FAM107A: variants seen among roughly 807,000 people sequenced by gnomAD.
FAM107A encodes the protein family with sequence similarity 107 member A, also known as actin-associated protein FAM107A.
FAM107A carries 19 observed loss-of-function variants against 13.7 expected under a neutral mutation model. The ratio of observed to expected loss-of-function variants is 1.38; its 90% confidence interval spans 0.97 to 2.03. The LOEUF (loss-of-function observed/expected upper bound fraction) is 2.03. Among genes scored for constraint, FAM107A ranks in the 30% most tolerant of loss-of-function variants. FAM107A has a pLI of 0.00. For synonymous variants in FAM107A, 82 were observed against 74.5 expected (o/e 1.10, Z -0.52); for missense variants, 203 against 184.4 (o/e 1.10, Z -0.58).
chr3:58,615,279 G>C (rs1231986704), intron 1 of FAM107A, among the ~76,000 whole-genome samples: 1 of 151,878 alleles, frequency 6.6e-6, no homozygotes, highest in Non-Finnish European at 1.5e-5. Flanking sequence ...TACATTCTTT[G>C]GATTGTTTCT....
At chr3:58,596,951 T>C (rs2065712447) in intron 1 of FAM107A, among the ~76,000 whole-genome samples, 1 of 152,222 alleles carries the variant, frequency 6.6e-6, no homozygotes, top group Non-Finnish European at 1.5e-5. Context: ...AATAATAAAA[T>C]GTGCTCATTT....
At chr3:58,586,978 G>T in exon 1 of FAM107A, 4 of 1,495,740 alleles carry the variant, frequency 2.7e-6, no homozygotes, top group South Asian at 1.3e-5. Context: ...TGCTGGCCCC[G>T]CGAGCGCACA....
At chr3:58,605,919 G>A (rs1443057303) in intron 1 of FAM107A, among the ~76,000 whole-genome samples, 2 of 152,150 alleles carry the variant, frequency 1.3e-5, no homozygotes, top group East Asian at 3.9e-4. Context: ...CAGTAGAAAA[G>A]CTAAAATCAA....
chr3:58,589,192 C>T (rs1183244204), upstream of FAM107A: 14 of 1,513,472 alleles, frequency 9.3e-6, no homozygotes, highest in African/African-American at 4.1e-5. Flanking sequence ...GGAATTCTAG[C>T]GGGTCTGACT....
intron 1 of FAM107A, among the ~76,000 whole-genome samples, 182 bp from the exon 2 acceptor site, chr3:58,570,047 A>G (rs1305693250): frequency 2.0e-5 from 3 of 152,216 alleles, no homozygotes; most frequent in African/African-American, 7.2e-5. Flanking sequence ...AATGGAAATC[A>G]TAACGGAACG....
chr3:58,571,952 G>A (rs1430191310), intron 1 of FAM107A, among the ~76,000 whole-genome samples: 2 of 152,166 alleles, frequency 1.3e-5, no homozygotes, highest in Non-Finnish European at 2.9e-5. Flanking sequence ...GATAAGGTAG[G>A]AAATAGAATA....
chr3:58,591,588 T>G (rs1425585500), upstream of FAM107A, among the ~76,000 whole-genome samples: 1 of 152,204 alleles, frequency 6.6e-6, no homozygotes, highest in African/African-American at 2.4e-5. This position sits in a 1 kb window ranked among gnomAD's most constrained non-coding sequence, Gnocchi z 4.3. Flanking sequence ...CTGCAGGAAC[T>G]GTTCCCTTCA....
chr3:58,573,056 T>C (rs2063699926), intron 1 of FAM107A, among the ~76,000 whole-genome samples: 1 of 150,694 alleles, frequency 6.6e-6, no homozygotes, highest in South Asian at 2.1e-4. Flanking sequence ...AAAAAAAAAT[T>C]AATTAAATCA....
chr3:58,593,498 A>T (rs2065671501), intron 1 of FAM107A, among the ~76,000 whole-genome samples: 1 of 152,124 alleles, frequency 6.6e-6, no homozygotes, highest in South Asian at 2.1e-4. Context: ...TACCTCAAAC[A>T]ACCACCCTTA....
chr3:58,614,219 T>G (rs2065880712), intron 1 of FAM107A, among the ~76,000 whole-genome samples: 1 of 152,268 alleles, frequency 6.6e-6, no homozygotes. Context: ...AGGTCCTGGC[T>G]GTGGAATTTT....
chr3:58,624,749 G>A (rs1397591879), intron 1 of FAM107A, among the ~76,000 whole-genome samples: 2 of 150,862 alleles, frequency 1.3e-5, no homozygotes, highest in Non-Finnish European at 3.0e-5. Context: ...CCTTGCCTAA[G>A]AGGAATAGAA....
intron 1 of FAM107A, among the ~76,000 whole-genome samples, chr3:58,606,611 G>A (rs1235440805): frequency 6.6e-6 from 1 of 152,244 alleles, no homozygotes; most frequent in African/African-American, 2.4e-5. Context: ...GGCCCTGCAG[G>A]AGAGAAACCT....
At chr3:58,623,846 G>A (rs2076826) in intron 1 of FAM107A, among the ~76,000 whole-genome samples, 13,486 of 152,282 alleles carry the variant, frequency 0.089, 822 homozygotes, top group Non-Finnish European at 0.13. Context: ...TGCAGAAGCG[G>A]CAGTGCATGC....
chr3:58,597,103 C>T (rs79904374), intron 1 of FAM107A, among the ~76,000 whole-genome samples: 3,015 of 152,254 alleles, frequency 0.02, 46 homozygotes, highest in Non-Finnish European at 0.027. Flanking sequence ...CTCCTGAGAA[C>T]GAACATTTGG....
chr3:58,566,498 G>C lies in FAM107A; in HGVS notation c.*90C>G. The C allele has an allele frequency of 1.2e-6, 1 of 854,168 alleles. No individual in the cohort carries two copies. The highest frequency in any genetic ancestry group is 1.4e-5 in the South Asian group (1 of 70,452). 52.9% of individuals were successfully genotyped at this position (854,168 alleles called of 1,614,324 possible). A position where few individuals can be genotyped will look rare whatever the true frequency, so the allele number is the denominator to read the frequency against. On this transcript the variant is annotated 3_prime_UTR_variant, in exon 4 of 4. Coordinates refer to ENST00000360997, the MANE Select transcript of FAM107A (RefSeq NM_001076778.3). ...AGGTGGGAACATCACAGACGTCCCA[G>C]GGCCTGGGGCCCAGGGCTGCCAGGT...
chr3:58,595,399 AT>A (rs1481852571), intron 1 of FAM107A, among the ~76,000 whole-genome samples: 3 of 152,188 alleles, frequency 2.0e-5, no homozygotes, highest in Non-Finnish European at 4.4e-5. Context: ...AACTGATGAC[AT>A]TCCACCATTT....
chr3:58,607,492 G>A (rs921139085), intron 1 of FAM107A, among the ~76,000 whole-genome samples: 1 of 152,088 alleles, frequency 6.6e-6, no homozygotes. Context: ...GGGTGGGTGG[G>A]AGCTATTTTA....
In FAM107A at chr3:58,584,634, G is replaced by A. The variant is rs187559164; in HGVS notation, c.79+2224C>T. 2.3e-3 allele frequency among the ~76,000 whole-genome samples: 355 copies of A among 152,282 alleles called. 1 individual carries two copies. The highest frequency in any genetic ancestry group is 3.7e-3 in the Non-Finnish European group (252 of 68,012). On this transcript the variant is annotated intron_variant, in intron 1 of 3. Coordinates refer to the FAM107A transcript ENST00000447756. ...CTGAGGCAGGAGAATAGGGTCTGGAGGCAGGGAACATATGGCCGCTTCACG... is the reference window on the plus strand; with the variant it reads ...CTGAGGCAGGAGAATAGGGTCTGGAAGCAGGGAACATATGGCCGCTTCACG...
intron 1 of FAM107A, among the ~76,000 whole-genome samples, chr3:58,619,350 G>A (rs956268980): frequency 1.6e-4 from 24 of 152,142 alleles, no homozygotes; most frequent in African/African-American, 5.8e-4. Context: ...CAGGGTAAGT[G>A]CAGGATAGGT....
Sources: gnomAD v4.1 joint callset for allele counts (sites outside exome capture counted in the v4.1 genomes callset) on GRCh38, gnomAD v4.1.1 for gene constraint, Gnocchi (gnomAD v3.1) non-coding constraint, MANE v1.5 for transcripts, NCBI Gene and HGNC (gene_info 2026-07-23, HGNC 2026-07-21) for gene names.